Variants in HMBOX1 observed in about 807,000 individuals in gnomAD.
HMBOX1 encodes the protein homeobox containing 1.
In HMBOX1, 14 loss-of-function variants were observed where a neutral mutation model predicts 54.5. The ratio of observed to expected loss-of-function variants is 0.26; its 90% CI spans 0.17 to 0.40. The LOEUF (loss-of-function observed/expected upper bound fraction) is 0.40, where lower values mean the gene tolerates loss of function less well. Among genes scored for constraint, HMBOX1 ranks in the 10% least tolerant of loss-of-function variants. The probability of loss-of-function intolerance (pLI) is 1.00; values close to 1 mark genes in which losing one functional copy is unlikely to be tolerated. For synonymous variants in HMBOX1, 160 were observed against 181.0 expected, an observed-to-expected ratio of 0.88 and a Z score of 0.93; for missense variants, 332 against 514.4, an observed-to-expected ratio of 0.65 and a Z score of 3.43.
chr8:29,024,920 C>T (rs79113316), intron 6 of HMBOX1, among the ~76,000 whole-genome samples: 14,907 of 152,182 alleles, frequency 0.098, 968 homozygotes, highest in Middle Eastern at 0.16. Flanking sequence ...ATTAGATTCT[C>T]ATAGGAGCTC....
At chr8:29,013,559 T>G (rs180779008) in intron 5 of HMBOX1, among the ~76,000 whole-genome samples, 1 of 152,368 alleles carries the variant, frequency 6.6e-6, no homozygotes, top group Admixed American at 6.5e-5. Flanking sequence ...TTAATTTTAC[T>G]GATAACCCGA....
intron 1 of HMBOX1, chr8:28,891,933 T>G (rs1811079659): frequency 6.6e-6 from 1 of 152,212 alleles, no homozygotes. Context: ...TGTGACTAGC[T>G]CATTTCTCTG....
intron 5 of HMBOX1, among the ~76,000 whole-genome samples, chr8:29,018,296 T>C (rs1249736120): frequency 6.6e-6 from 1 of 152,118 alleles, no homozygotes; most frequent in Non-Finnish European, 1.5e-5. Flanking sequence ...ATTAGTAAAA[T>C]GTCTCAATTA....
At chr8:28,992,599 G>T (rs906298591) in intron 4 of HMBOX1, among the ~76,000 whole-genome samples, 3 of 151,946 alleles carry the variant, frequency 2.0e-5, no homozygotes, top group African/African-American at 7.3e-5. Context: ...GGCTGGGCGC[G>T]GTGGCTCATG....
intron 6 of HMBOX1, among the ~76,000 whole-genome samples, chr8:29,039,978 C>T (rs941119596): frequency 6.6e-5 from 10 of 152,176 alleles, no homozygotes; most frequent in African/African-American, 2.4e-4. Context: ...TTCTGTTTTT[C>T]AAGTATGTCT....
chr8:29,030,560 T>C (rs1267343354), intron 6 of HMBOX1, among the ~76,000 whole-genome samples: 1 of 152,238 alleles, frequency 6.6e-6, no homozygotes, highest in Non-Finnish European at 1.5e-5. Flanking sequence ...AAATGTTATG[T>C]AATTTCTTAA....
At chr8:28,927,369 AT>A (rs1818707152) in intron 1 of HMBOX1, among the ~76,000 whole-genome samples, 1 of 152,128 alleles carries the variant, frequency 6.6e-6, no homozygotes, top group South Asian at 2.1e-4. Context: ...AAGCTGGGTA[AT>A]TTACAAAGAA....
intron 1 of HMBOX1, among the ~76,000 whole-genome samples, chr8:28,962,704 C>T (rs1373454797): frequency 2.0e-5 from 3 of 152,196 alleles, no homozygotes; most frequent in East Asian, 1.9e-4. Context: ...TATTCTAATC[C>T]TCAAATAACA....
At chr8:28,909,943 T>C (rs1815088115) in intron 1 of HMBOX1, among the ~76,000 whole-genome samples, 1 of 152,070 alleles carries the variant, frequency 6.6e-6, no homozygotes, top group African/African-American at 2.4e-5. Flanking sequence ...CACTGCAGCC[T>C]TGACTTCCTG....
chr8:28,991,666 A>G (rs115240000), intron 4 of HMBOX1, among the ~76,000 whole-genome samples: 1 of 152,028 alleles, frequency 6.6e-6, no homozygotes, highest in Non-Finnish European at 1.5e-5. Flanking sequence ...AGAATATGCT[A>G]TTTTCTTAAG....
At chr8:28,922,444 T>A (rs1344432613) in intron 1 of HMBOX1, among the ~76,000 whole-genome samples, 1 of 152,218 alleles carries the variant, frequency 6.6e-6, no homozygotes, top group Non-Finnish European at 1.5e-5. Flanking sequence ...GGGCTTTTAT[T>A]TTTGAATTCT....
At position 29,018,765 on chromosome 8, in the gene HMBOX1, A is replaced by C; in HGVS notation, c.703A>C (p.Thr235Pro). The C allele has an allele frequency of 1.2e-6, 2 of 1,613,358 alleles. No individual in the cohort carries two copies. The highest frequency in any genetic ancestry group is 1.7e-6 in the Non-Finnish European group (2 of 1,179,594). ...YQLEKTNPGA[T>P]LSMRPAPIPI... ...AAGTGTCTTGTTTATTTCAGGCGCT[A>C]CACTAAGTATGAGACCAGCCCCCAT... The change falls in exon 6 of 10, where the codon ACA becomes CCA. Residue 235 changes from threonine (T) to proline (P), a missense_variant. By Grantham distance (38) the Thr-to-Pro change is conservative. Transcript: ENST00000287701.
intron 4 of HMBOX1, among the ~76,000 whole-genome samples, chr8:28,991,973 C>T (rs1213417694): frequency 2.6e-5 from 4 of 152,194 alleles, no homozygotes; most frequent in Non-Finnish European, 5.9e-5. Context: ...GTGTTAACTT[C>T]CTCAGTTACA....
chr8:29,036,272 T>C (rs766452646), intron 6 of HMBOX1, among the ~76,000 whole-genome samples: 1 of 152,246 alleles, frequency 6.6e-6, no homozygotes, highest in Non-Finnish European at 1.5e-5. Context: ...TCCATAATTC[T>C]TATTCTCATG....
chr8:28,896,115 T>G (rs1028714877), intron 1 of HMBOX1, among the ~76,000 whole-genome samples: 2 of 152,208 alleles, frequency 1.3e-5, no homozygotes, highest in African/African-American at 4.8e-5. Flanking sequence ...TTAAAATGTC[T>G]GTACCTCAGC....
intron 4 of HMBOX1, among the ~76,000 whole-genome samples, chr8:28,982,003 C>T (rs889712503): frequency 2.0e-5 from 3 of 151,874 alleles, no homozygotes; most frequent in South Asian, 2.1e-4. Flanking sequence ...TTTGGGAGGC[C>T]GAGGCAGGCA....
chr8:28,978,326 A>T (rs532372219), intron 3 of HMBOX1, among the ~76,000 whole-genome samples: 2 of 152,344 alleles, frequency 1.3e-5, no homozygotes, highest in South Asian at 4.1e-4. Context: ...TAGTCTACAG[A>T]GAGATGTGAA....
chr8:28,934,752 C>T (rs1480006691), intron 1 of HMBOX1, among the ~76,000 whole-genome samples: 2 of 151,708 alleles, frequency 1.3e-5, no homozygotes, highest in East Asian at 3.9e-4. Flanking sequence ...GGTGAAACCC[C>T]ATCTCTACTA....
rs1184587108 is a variant in HMBOX1, at chr8:28,967,993, A to G, written c.24-2050A>G. 3.9e-5 allele frequency among the ~76,000 whole-genome samples: 6 copies of G among 152,234 alleles called. No individual in the cohort carries two copies. In the South Asian group the frequency reaches 6.2e-4, roughly 16 times the overall value. On this transcript the variant is annotated intron_variant, in intron 2 of 9. Coordinates refer to ENST00000287701, the MANE Select transcript of HMBOX1 (RefSeq NM_001135726.3). The stretch of plus-strand genomic sequence containing the variant: ...TTTAAAAACCAGGAAGATTTCATCT[A>G]CAGTTCTAGATTTTTCCCTACTTAT...
Sources: allele counts gnomAD v4.1 joint callset (sites outside exome capture counted in the v4.1 genomes callset), GRCh38; gene constraint gnomAD v4.1.1; transcripts MANE v1.5; gene names NCBI Gene and HGNC (gene_info 2026-07-23, HGNC 2026-07-21).